PPARGC1A: variants seen among roughly 807,000 people sequenced by gnomAD.
PPARGC1A encodes the protein PPARG coactivator 1 alpha, also known as peroxisome proliferator-activated receptor gamma coactivator 1-alpha.
A neutral mutation model predicts 88.7 loss-of-function variants in PPARGC1A; 25 were observed. That is an observed-to-expected ratio of 0.28 (90% CI 0.21 to 0.39). The LOEUF (loss-of-function observed/expected upper bound fraction) is 0.39. Among genes scored for constraint, PPARGC1A ranks in the 10% least tolerant of loss-of-function variants. The pLI, the probability that PPARGC1A is intolerant of heterozygous loss-of-function variation, is 1.00. For synonymous variants in PPARGC1A, 363 were observed against 355.6 expected (o/e 1.02, Z -0.24); for missense variants, 880 against 968.7 (o/e 0.91, Z 1.22).
chr4:23,931,473 T>C, the PPARGC1A span, among the ~76,000 whole-genome samples: 1 of 152,096 alleles, frequency 6.6e-6, no homozygotes, highest in Non-Finnish European at 1.5e-5. Context: ...ATTTTTAATT[T>C]AAAAAGTTAA....
the PPARGC1A span, among the ~76,000 whole-genome samples, chr4:24,272,017 T>C: frequency 6.6e-6 from 1 of 152,170 alleles, no homozygotes; most frequent in Admixed American, 6.5e-5. Flanking sequence ...GGTGGAGGTG[T>C]GCTGACTGTT....
the PPARGC1A span, among the ~76,000 whole-genome samples, chr4:24,447,841 G>A: frequency 1.3e-5 from 2 of 152,214 alleles, no homozygotes; most frequent in African/African-American, 4.8e-5. Flanking sequence ...AACAACAGGA[G>A]GCAATGGCCT....
At chr4:24,334,764 A>G in the PPARGC1A span, among the ~76,000 whole-genome samples, 13 of 152,292 alleles carry the variant, frequency 8.5e-5, no homozygotes, top group Admixed American at 7.2e-4. Context: ...TTTCTAAGAC[A>G]ATGCTCGACT....
chr4:24,077,947 T>C, the PPARGC1A span, among the ~76,000 whole-genome samples: 1 of 152,108 alleles, frequency 6.6e-6, no homozygotes, highest in Non-Finnish European at 1.5e-5. Flanking sequence ...AATTTCCACT[T>C]TGGTATTTTT....
At chr4:23,820,667 C>A (rs1236614872) in intron 7 of PPARGC1A, 2 of 432,562 alleles carry the variant, frequency 4.6e-6, no homozygotes, top group South Asian at 3.3e-5. Context: ...TTTTTATCAG[C>A]CAAAATGAGC....
At chr4:23,845,229 T>A (rs1455532717) in intron 2 of PPARGC1A, among the ~76,000 whole-genome samples, 1 of 152,230 alleles carries the variant, frequency 6.6e-6, no homozygotes, top group South Asian at 2.1e-4. Context: ...CAGTGTTTTT[T>A]ACATTATGTA....
chr4:24,164,817 C>G, the PPARGC1A span, among the ~76,000 whole-genome samples: 1 of 152,184 alleles, frequency 6.6e-6, no homozygotes, highest in Non-Finnish European at 1.5e-5. Flanking sequence ...TGGCTACACA[C>G]ATTGGCAGAC....
At chr4:23,904,964 T>C (rs1466356335), upstream of PPARGC1A, among the ~76,000 whole-genome samples, 1 of 152,228 alleles carries the variant, frequency 6.6e-6, no homozygotes, top group Non-Finnish European at 1.5e-5. Context: ...TCTTGTTCCC[T>C]GGCAGCGGTG....
At chr4:24,339,171 C>G in the PPARGC1A span, among the ~76,000 whole-genome samples, 1 of 148,896 alleles carries the variant, frequency 6.7e-6, no homozygotes, top group Non-Finnish European at 1.5e-5. Context: ...TCCCTTAGCA[C>G]ACTGTCTTCA....
At chr4:23,842,210 T>C (rs1389668728) in intron 2 of PPARGC1A, among the ~76,000 whole-genome samples, 1 of 152,166 alleles carries the variant, frequency 6.6e-6, no homozygotes, top group Non-Finnish European at 1.5e-5. Flanking sequence ...TGGCCTTCCA[T>C]GCAGAAAGAG....
the PPARGC1A span, among the ~76,000 whole-genome samples, chr4:24,385,496 C>T: frequency 1.3e-5 from 2 of 151,880 alleles, no homozygotes; most frequent in Admixed American, 6.6e-5. Context: ...AGACCACTAG[C>T]CAGACTAATA....
the PPARGC1A span, among the ~76,000 whole-genome samples, chr4:23,931,398 CTATTT>C: frequency 2.6e-5 from 4 of 151,040 alleles, no homozygotes; most frequent in African/African-American, 9.7e-5. Flanking sequence ...TAGACTAGCT[CTATTT>C]TATTTGTGCT....
chr4:24,000,345 T>G, the PPARGC1A span, among the ~76,000 whole-genome samples: 1 of 152,146 alleles, frequency 6.6e-6, no homozygotes, highest in African/African-American at 2.4e-5. Flanking sequence ...CCCCTTGCAA[T>G]TTCATTTGCC....
At chr4:24,461,274 A>C in the PPARGC1A span, among the ~76,000 whole-genome samples, 1 of 152,252 alleles carries the variant, frequency 6.6e-6, no homozygotes, top group East Asian at 1.9e-4. Context: ...ACCAAGTTTG[A>C]AAGCTTTCTT....
chr4:24,156,284 C>T, the PPARGC1A span, among the ~76,000 whole-genome samples: 1 of 152,086 alleles, frequency 6.6e-6, no homozygotes, highest in Non-Finnish European at 1.5e-5. Flanking sequence ...AACATATCCA[C>T]CCCCGGGTGT....
At chr4:24,437,384 C>T in the PPARGC1A span, among the ~76,000 whole-genome samples, 10 of 152,256 alleles carry the variant, frequency 6.6e-5, no homozygotes, top group South Asian at 4.2e-4. Context: ...ACCTGAAGGG[C>T]AGACATGAGC....
At chr4:23,944,901 C>A in the PPARGC1A span, among the ~76,000 whole-genome samples, 1 of 152,274 alleles carries the variant, frequency 6.6e-6, no homozygotes, top group East Asian at 1.9e-4. Flanking sequence ...ATTACCCAGT[C>A]TCAGGTATGT....
chr4:23,834,030 T>A (rs1231350806), intron 2 of PPARGC1A, among the ~76,000 whole-genome samples: 1 of 152,148 alleles, frequency 6.6e-6, no homozygotes, highest in Non-Finnish European at 1.5e-5. Context: ...CTGGGCACGG[T>A]GGTTCACGCC....
chr4:24,119,827 T>TTA, the PPARGC1A span, among the ~76,000 whole-genome samples: 4 of 152,168 alleles, frequency 2.6e-5, no homozygotes, highest in African/African-American at 7.2e-5. Context: ...TTGCAGACTC[T>TTA]TACCTCCAAA....
Sources: gnomAD v4.1 joint callset for allele counts (sites outside exome capture counted in the v4.1 genomes callset) on GRCh38, gnomAD v4.1.1 for gene constraint, MANE v1.5 for transcripts, NCBI Gene and HGNC (gene_info 2026-07-23, HGNC 2026-07-21) for gene names.